Variants in RALYL observed in about 807,000 individuals in gnomAD.
RALYL encodes the protein RNA-binding Raly-like protein.
Under a neutral mutation model 35.1 loss-of-function variants are expected in RALYL, and 29 were observed. The ratio of observed to expected loss-of-function variants is 0.83; its 90% CI spans 0.61 to 1.13. The LOEUF is 1.13. RALYL is among the 50% of genes most tolerant of loss of function. The probability of loss-of-function intolerance (pLI) is 0.00; values close to 1 mark genes in which losing one functional copy is unlikely to be tolerated. For synonymous variants in RALYL, 120 were observed against 127.6 expected, an observed-to-expected ratio of 0.94 and a Z score of 0.40; for missense variants, 359 against 360.4, an observed-to-expected ratio of 1.00 and a Z score of 0.03.
At chr8:84,820,573 G>T (rs1046301509) in intron 4 of RALYL, among the ~76,000 whole-genome samples, 8 of 152,038 alleles carry the variant, frequency 5.3e-5, no homozygotes, top group African/African-American at 1.9e-4. Flanking sequence ...TCTGGGACAC[G>T]TGTGCTGAAC....
In RALYL at chr8:84,705,794, G is replaced by A. The variant is rs190074645; in HGVS notation, c.257-68785G>A. 6.5e-4 allele frequency: 498 copies of A among 765,878 alleles called. 1 individual carries two copies. The African/African-American group carries it at 7.7e-3, about 12-fold the overall frequency. The allele number at this position is 765,878 out of a possible 1,614,324, so 47.4% of individuals were successfully genotyped here. On this transcript the variant is annotated intron_variant, in intron 2 of 8. Coordinates refer to ENST00000521268, the MANE Select transcript of RALYL (RefSeq NM_173848.7). The stretch of plus-strand genomic sequence containing the variant: ...CTTAACTGCTATAGGATCGGGGGAG[G>A]TGAAGGAAATACAATTTTCCCTAGA...
At chr8:84,715,355 A>T (rs1434838343) in intron 2 of RALYL, among the ~76,000 whole-genome samples, 1 of 151,884 alleles carries the variant, frequency 6.6e-6, no homozygotes, top group Non-Finnish European at 1.5e-5. Flanking sequence ...TCAAAATGTT[A>T]TTTATGATTT....
chr8:84,490,573 G>T (rs1449770736), intron 1 of RALYL, among the ~76,000 whole-genome samples: 1 of 151,968 alleles, frequency 6.6e-6, no homozygotes, highest in Non-Finnish European at 1.5e-5. Flanking sequence ...TCATTTGTCT[G>T]TGGAAGGAAA....
chr8:84,584,253 C>T (rs1811482180), intron 2 of RALYL, among the ~76,000 whole-genome samples: 1 of 152,112 alleles, frequency 6.6e-6, no homozygotes, highest in Non-Finnish European at 1.5e-5. Context: ...AGAACATATA[C>T]AGAGGAACTT....
chr8:84,253,664 G>C (rs539903861), intron 1 of RALYL, among the ~76,000 whole-genome samples: 1 of 152,070 alleles, frequency 6.6e-6, no homozygotes, highest in Non-Finnish European at 1.5e-5. Context: ...GAAGTTGACA[G>C]GTAAACATTC....
chr8:84,433,163 C>T (rs1459503691), intron 1 of RALYL, among the ~76,000 whole-genome samples: 1 of 152,080 alleles, frequency 6.6e-6, no homozygotes, highest in Non-Finnish European at 1.5e-5. Flanking sequence ...AGTTAAAAAT[C>T]TGTAAAACCA....
At chr8:84,203,865 A>C (rs13263706) in intron 1 of RALYL, among the ~76,000 whole-genome samples, 35,484 of 151,902 alleles carry the variant, frequency 0.23, 4,260 homozygotes, top group Non-Finnish European at 0.27. Context: ...GCCCTGGATG[A>C]AAAAAACATC....
chr8:84,646,503 A>G (rs1350627990), intron 2 of RALYL, among the ~76,000 whole-genome samples: 5 of 152,036 alleles, frequency 3.3e-5, no homozygotes, highest in Non-Finnish European at 1.5e-5. Flanking sequence ...GTTTTATGGG[A>G]AAAATTTTCA....
intron 1 of RALYL, among the ~76,000 whole-genome samples, chr8:84,480,013 A>G (rs1050109746): frequency 2.0e-5 from 3 of 152,166 alleles, no homozygotes; most frequent in Non-Finnish European, 2.9e-5. Context: ...GTAGCATCAT[A>G]GGCTAATTTA....
chr8:84,436,301 T>A (rs2047704031), intron 1 of RALYL, among the ~76,000 whole-genome samples: 1 of 152,038 alleles, frequency 6.6e-6, no homozygotes, highest in Admixed American at 6.6e-5. Flanking sequence ...AACCAAGCAG[T>A]ATTGAAGAGG....
At chr8:84,225,583 T>C (rs16912559) in intron 1 of RALYL, among the ~76,000 whole-genome samples, 42,783 of 152,078 alleles carry the variant, frequency 0.28, 6,715 homozygotes, top group East Asian at 0.42. Context: ...TGGCTATTTC[T>C]CTCTCTGCAT....
intron 6 of RALYL, among the ~76,000 whole-genome samples, chr8:84,864,438 A>G (rs1838753361): frequency 6.6e-6 from 1 of 152,206 alleles, no homozygotes; most frequent in Non-Finnish European, 1.5e-5. Flanking sequence ...AAGGACAATC[A>G]AGACAAATGA....
intron 1 of RALYL, among the ~76,000 whole-genome samples, chr8:84,386,978 C>A (rs1024790355): frequency 1.3e-5 from 2 of 151,790 alleles, no homozygotes; most frequent in African/African-American, 4.8e-5. Context: ...TCTCTTTTAG[C>A]CGTTAGTGCT....
chr8:84,265,787 T>C (rs1394182728), intron 1 of RALYL, among the ~76,000 whole-genome samples: 1 of 152,216 alleles, frequency 6.6e-6, no homozygotes, highest in Non-Finnish European at 1.5e-5. Context: ...TACCATCCTT[T>C]ACCTAATCGT....
intron 2 of RALYL, among the ~76,000 whole-genome samples, chr8:84,541,795 G>A (rs896524261): frequency 2.0e-5 from 3 of 151,992 alleles, no homozygotes; most frequent in Non-Finnish European, 2.9e-5. Context: ...CTTTCATATA[G>A]TATGATATAT....
chr8:84,484,461 T>G (rs997235938), intron 1 of RALYL, among the ~76,000 whole-genome samples: 7 of 151,822 alleles, frequency 4.6e-5, no homozygotes, highest in Non-Finnish European at 1.0e-4. Flanking sequence ...AACTCTCAAG[T>G]GGAAGGATAA....
intron 2 of RALYL, among the ~76,000 whole-genome samples, chr8:84,639,082 C>A (rs984441243): frequency 6.7e-6 from 1 of 149,662 alleles, no homozygotes; most frequent in East Asian, 2.0e-4. Flanking sequence ...TAAAGGCATG[C>A]AAATGTGCAC....
intron 1 of RALYL, among the ~76,000 whole-genome samples, chr8:84,426,411 C>T (rs1587119803): frequency 6.8e-6 from 1 of 147,656 alleles, no homozygotes; most frequent in Non-Finnish European, 1.5e-5. Context: ...CCCCTTGTAA[C>T]TACTCTTTTG....
intron 1 of RALYL, among the ~76,000 whole-genome samples, chr8:84,499,678 C>A (rs1294333890): frequency 6.6e-6 from 1 of 151,606 alleles, no homozygotes; most frequent in Non-Finnish European, 1.5e-5. Context: ...AATTGAGAGA[C>A]CTTAAAACAC....
Sources: allele counts gnomAD v4.1 joint callset (sites outside exome capture counted in the v4.1 genomes callset), GRCh38; gene constraint gnomAD v4.1.1; transcripts MANE v1.5; gene names NCBI Gene and HGNC (gene_info 2026-07-23, HGNC 2026-07-21).